The following TGFBI variants were observed in gnomAD, a reference collection of about 807,000 sequenced individuals.
TGFBI encodes transforming growth factor-beta-induced protein ig-h3.
Under a neutral mutation model 73.7 loss-of-function variants are expected in TGFBI, and 50 were observed. The ratio of observed to expected loss-of-function variants is 0.68; its 90% confidence interval spans 0.54 to 0.86. The LOEUF (loss-of-function observed/expected upper bound fraction) is 0.86, where lower values mean the gene tolerates loss of function less well. Among genes scored for constraint, TGFBI ranks in the 40% least tolerant of loss-of-function variants. The pLI is 0.00. For missense variants in TGFBI, 839 were observed against 877.0 expected, an observed-to-expected ratio of 0.96 and a Z score of 0.55; for synonymous variants, 362 against 360.5, an observed-to-expected ratio of 1.00 and a Z score of -0.05.
chr5:136,049,269 G>A, intron 6 of TGFBI, 170 bp from the exon 7 acceptor site: 1 of 819,868 alleles, frequency 1.2e-6, no homozygotes, highest in Non-Finnish European at 1.8e-6. Context: ...GCCCAGCAAG[G>A]CCCCCTGGGG....
At chr5:136,052,294 G>T (rs184681459) in intron 7 of TGFBI, among the ~76,000 whole-genome samples, 1 of 152,378 alleles carries the variant, frequency 6.6e-6, no homozygotes, top group East Asian at 1.9e-4. Flanking sequence ...AAGTCTTACT[G>T]ATCACCAAAC....
At chr5:136,047,059 G>T in intron 5 of TGFBI, 44 bp downstream of exon 5, 1 of 1,601,480 alleles carries the variant, frequency 6.2e-7, no homozygotes, top group South Asian at 1.1e-5. Context: ...GGTGCATAAT[G>T]AACCCATTTC....
intron 3 of TGFBI, 41 bp from the exon 4 acceptor site, chr5:136,046,294 C>T (rs1751424670): frequency 1.2e-6 from 2 of 1,611,342 alleles, no homozygotes; most frequent in South Asian, 1.1e-5. Flanking sequence ...TTGGGCTGGA[C>T]CCCCAGAGGC....
At chr5:136,046,222 G>A (rs934426565) in intron 3 of TGFBI, 113 bp from the exon 4 acceptor site, 7 of 1,294,928 alleles carry the variant, frequency 5.4e-6, no homozygotes, top group Non-Finnish European at 7.5e-6. Context: ...TTTCCCACAT[G>A]CCTCCTCGTC....
chr5:136,034,387 T>C (rs1445886857), intron 2 of TGFBI, among the ~76,000 whole-genome samples: 2 of 152,140 alleles, frequency 1.3e-5, no homozygotes, highest in Non-Finnish European at 2.9e-5. Flanking sequence ...AGTCGATTCA[T>C]CTTTAGAACC....
Position 136,046,459 on chromosome 5 carries a change from C to T in TGFBI, c.423C>T (p.Phe141=), listed in dbSNP as rs779817855. The part of the protein sequence containing the change: ...EMEGPGSFTI[F]APSNEAWASL... ...AGGGGCCCGGCAGCTTCACCATCTT[C>T]GCCCCTAGCAACGAGGCCTGGGCCT... Residue 141 remains phenylalanine (F), a synonymous_variant, in exon 4 of 17, where the codon TTC becomes TTT. Coordinates refer to ENST00000442011, the MANE Select transcript of TGFBI (RefSeq NM_000358.3). 2.5e-5 allele frequency: 40 copies of T among 1,612,366 alleles called. No individual in the cohort carries two copies. In the Middle Eastern group the frequency reaches 5.0e-4, roughly 20 times the overall value.
intron 2 of TGFBI, among the ~76,000 whole-genome samples, chr5:136,034,267 G>A (rs1751178314): frequency 6.6e-6 from 1 of 152,108 alleles, no homozygotes; most frequent in South Asian, 2.1e-4. Context: ...CAGTCCTAAG[G>A]TAAACACCCC....
chr5:136,030,271 C>T (rs1013714144), intron 1 of TGFBI, among the ~76,000 whole-genome samples: 1 of 152,234 alleles, frequency 6.6e-6, no homozygotes, highest in Non-Finnish European at 1.5e-5. Context: ...GTGCTCAAAT[C>T]AAAACTCATT....
At chr5:136,041,256 C>G (rs1383155075) in intron 2 of TGFBI, among the ~76,000 whole-genome samples, 1 of 152,232 alleles carries the variant, frequency 6.6e-6, no homozygotes, top group African/African-American at 2.4e-5. Flanking sequence ...TGGCTGAAAG[C>G]CACACTCGGT....
intron 13 of TGFBI, 46 bp downstream of exon 13, chr5:136,059,260 G>A (rs758938192): frequency 1.3e-6 from 2 of 1,597,912 alleles, no homozygotes; most frequent in South Asian, 2.3e-5. Context: ...CCCCAGGGCA[G>A]GGCTCCAGGA....
rs771320956 is a variant in TGFBI, at chr5:136,044,074, T to C, written c.250T>C (p.Cys84Arg). The C allele has an allele frequency of 6.2e-7, 1 of 1,613,146 alleles. No individual in the cohort carries two copies. The highest frequency in any genetic ancestry group is 8.5e-7 in the Non-Finnish European group (1 of 1,179,488). Residue 84 changes from cysteine to arginine, a missense_variant, in exon 3 of 17, where the codon TGC becomes CGC. Transcript: ENST00000442011. ...TTGTTACAGAGTCATCAGCTACGAG[T>C]GCTGTCCTGGATATGAAAAGGTCCC... The part of the protein sequence containing the change: ...CGKSTVISYE[C>R]CPGYEKVPGE...
In TGFBI at chr5:136,046,402, G is replaced by T. The variant is rs749608724; in HGVS notation, c.366G>T (p.Thr122=). 2 of 1,613,874 alleles carry T rather than the reference G, an allele frequency of 1.2e-6. No homozygotes were observed. Residue 122 remains threonine, a synonymous_variant, in exon 4 of 17, where the codon ACG becomes ACT. Coordinates refer to ENST00000442011, the MANE Select transcript of TGFBI (RefSeq NM_000358.3). ...GATCCACCACCACTCAGCTGTACAC[G>T]GACCGCACGGAGAAGCTGAGGCCTG... ...VVGSTTTQLY[T]DRTEKLRPEM...
Position 136,063,191 on chromosome 5 carries a change from G to A in TGFBI, c.2017G>A (p.Val673Ile), listed in dbSNP as rs1019397972. The A allele has an allele frequency of 3.1e-6, 5 of 1,613,760 alleles. No homozygotes were observed. The highest frequency in any genetic ancestry group is 1.7e-5 in the Admixed American group (1 of 60,032). Residue 673 changes from valine to isoleucine, a missense_variant, in exon 17 of 17, where the codon GTC (valine) becomes ATC (isoleucine). Transcript: ENST00000442011. The stretch of plus-strand genomic sequence containing the variant: ...TACCAACTTCTCTTTTTCAGCCCCT[G>A]TCTATCAAAAGTTATTAGAGAGGAT... ...ASQRSVRLAP[V>I]YQKLLERMKH
rs1025956383 is a variant in TGFBI, at chr5:136,050,326, C to A, written c.913+746C>A. Among the ~76,000 whole-genome samples, 2 of 117,188 alleles carry A rather than the reference C, an allele frequency of 1.7e-5. 1 individual carries two copies. Among genetic ancestry groups the A allele is most frequent in the Non-Finnish European group, 3.7e-5 (2 of 54,524 alleles). The allele number at this position is 117,188 out of a possible 152,430, so 76.9% of individuals were successfully genotyped here. A position where few individuals can be genotyped will look rare whatever the true frequency, so the allele number is the denominator to read the frequency against. On this transcript the variant is annotated intron_variant, in intron 7 of 16. Transcript: ENST00000442011. ...CAGCCTGGGTGACACAGCGACACTC[C>A]GTCTCAAGAAAAAAAAAAAAAAAAA...
intron 3 of TGFBI, among the ~76,000 whole-genome samples, chr5:136,044,590 C>T (rs1323896948): frequency 6.6e-6 from 1 of 152,224 alleles, no homozygotes; most frequent in East Asian, 1.9e-4. Context: ...CTAAACTTGG[C>T]CCTTTGGAGT....
In TGFBI at chr5:136,055,772, A is replaced by C; in HGVS notation, c.1503A>C (p.Pro501=). ...LFTMDRVLTP[P]MGTVMDVLKG... ...CGATGGACCGGGTGCTGACCCCCCC[A>C]ATGGGGACTGTCATGGATGTCCTGA... is the stretch of plus-strand genomic sequence containing the variant. The change falls in exon 11 of 17, where the codon CCA becomes CCC. Residue 501 remains proline, a synonymous_variant. Transcript: ENST00000442011. 1 of 1,612,684 alleles carries C rather than the reference A, an allele frequency of 6.2e-7. No homozygotes were observed. The highest frequency in any genetic ancestry group is 8.5e-7 in the Non-Finnish European group (1 of 1,179,054).
intron 3 of TGFBI, 102 bp from the exon 4 acceptor site, chr5:136,046,233 C>A (rs898736020): frequency 7.5e-5 from 107 of 1,422,562 alleles, no homozygotes; most frequent in Non-Finnish European, 9.5e-5. Context: ...CCTCCTCGTC[C>A]TCTCCACCTG....
rs121909211 is a variant in TGFBI at position 136,046,407 on chromosome 5, G to A, written c.371G>A (p.Arg124His). The change falls in exon 4 of 17, where the codon CGC becomes CAC. Residue 124 changes from arginine (R) to histidine (H), a missense_variant. Transcript: ENST00000442011. ...ACCACCACTCAGCTGTACACGGACC[G>A]CACGGAGAAGCTGAGGCCTGAGATG... is the stretch of plus-strand genomic sequence containing the variant. ...GSTTTQLYTD[R>H]TEKLRPEMEG... 36 of 1,613,854 alleles carry A rather than the reference G, an allele frequency of 2.2e-5. No individual in the cohort carries two copies. In the East Asian group the frequency reaches 3.6e-4, roughly 16 times the overall value.
chr5:136,029,202 G>A lies in TGFBI; in HGVS notation c.134+13G>A. ...GCCGCCAGCACGGGTAAGCCGAGCCGCCTGGCCAGGGGCTGCGGAAGGTCA... is the reference window on the plus strand; with the variant it reads ...GCCGCCAGCACGGGTAAGCCGAGCCACCTGGCCAGGGGCTGCGGAAGGTCA... On this transcript the variant is annotated intron_variant, in intron 1 of 16. Transcript: ENST00000442011. 2.0e-6 allele frequency: 3 copies of A among 1,472,718 alleles called. No homozygotes were observed. Among genetic ancestry groups the A allele is most frequent in the Non-Finnish European group, 2.7e-6 (3 of 1,117,124 alleles). The allele number at this position is 1,472,718 out of a possible 1,614,324, so 91.2% of individuals were successfully genotyped here. A position where few individuals can be genotyped will look rare whatever the true frequency, so the allele number is the denominator to read the frequency against.
Sources: gnomAD v4.1 joint callset for allele counts (sites outside exome capture counted in the v4.1 genomes callset) on GRCh38, gnomAD v4.1.1 for gene constraint, MANE v1.5 for transcripts, NCBI Gene and HGNC (gene_info 2026-07-23, HGNC 2026-07-21) for gene names.